The following VWA2 variants were observed in gnomAD, a reference collection of about 807,000 sequenced individuals.
VWA2 encodes the protein von Willebrand factor A domain-containing protein 2.
VWA2 carries 73 observed loss-of-function variants against 70.4 expected under a neutral mutation model. The ratio of observed to expected loss-of-function variants is 1.04; its 90% CI spans 0.86 to 1.26. The LOEUF is 1.26. VWA2 is among the 50% of genes most tolerant of loss of function. The probability of loss-of-function intolerance (pLI) is 0.00; values close to 1 mark genes in which losing one functional copy is unlikely to be tolerated. For missense variants in VWA2, 1,011 were observed against 998.5 expected, an observed-to-expected ratio of 1.01 and a Z score of -0.17; for synonymous variants, 407 against 423.3, an observed-to-expected ratio of 0.96 and a Z score of 0.47.
rs78825853 is a variant in VWA2, at chr10:114,274,362, G to A, written c.566+1428G>A. ...AGACTGACAGGATAGGGGTGGGAGA[G>A]GAAATAGTAAGGGGAGAGGGGAAAC... On this transcript the variant is annotated intron_variant, in intron 6 of 13. Transcript: ENST00000392982. Among the ~76,000 whole-genome samples, 944 of 152,294 alleles carry A rather than the reference G, an allele frequency of 6.2e-3. 20 individuals are homozygous for A. The East Asian group carries it at 0.067, about 11-fold the overall frequency.
At position 114,289,172 on chromosome 10, in the gene VWA2, C is replaced by T; in HGVS notation, c.1805C>T (p.Pro602Leu). Residue 602 changes from proline to leucine, a missense_variant, in exon 12 of 14, where the codon CCC (proline) becomes CTC (leucine). Coordinates refer to ENST00000392982, the MANE Select transcript of VWA2 (RefSeq NM_001272046.2). ...ATGCTGCGGGCCATTAGCCAGGCCC[C>T]CTACCTAGGTGGGGTGGGCTCAGCC... is the stretch of plus-strand genomic sequence containing the variant. Reference protein sequence around the residue: ...AAMLRAISQAPYLGGVGSAGT... With the variant: ...AAMLRAISQALYLGGVGSAGT... The T allele has an allele frequency of 6.2e-7, 1 of 1,613,716 alleles. No individual in the cohort carries two copies. Among genetic ancestry groups the T allele is most frequent in the Non-Finnish European group, 8.5e-7 (1 of 1,179,862 alleles).
rs998539821 is a variant in VWA2, at chr10:114,278,117, G to A, written c.700+70G>A. 47 of 1,560,306 alleles carry A rather than the reference G, an allele frequency of 3.0e-5. 1 individual carries two copies. The highest frequency in any genetic ancestry group is 3.8e-5 in the Non-Finnish European group (44 of 1,147,758). On this transcript the variant is annotated intron_variant, in intron 7 of 13. Transcript: ENST00000392982. ...CGGGGAGGGCTCCCTGAGGCAAGAG[G>A]TCAGGACCCAGGAGCCTCCCAAGGA...
intron 12 of VWA2, 194 bp from the exon 13 acceptor site, chr10:114,290,046 T>A: frequency 1.9e-6 from 1 of 539,310 alleles, no homozygotes; most frequent in Non-Finnish European, 3.2e-6. Context: ...AGCAATGGAC[T>A]CTCCATGAGT....
chr10:114,281,182 G>A (rs1363527055), intron 8 of VWA2: 1 of 152,302 alleles, frequency 6.6e-6, no homozygotes, highest in Non-Finnish European at 1.5e-5. Flanking sequence ...GTTGGAAGAA[G>A]CCTTATTTGG....
intron 4 of VWA2, among the ~76,000 whole-genome samples, chr10:114,258,293 A>G (rs1448265248): frequency 6.6e-6 from 1 of 152,198 alleles, no homozygotes; most frequent in Non-Finnish European, 1.5e-5. Flanking sequence ...TTCAAGAAGA[A>G]ATGTCAAGTA....
Position 114,289,188 on chromosome 10 carries a change from G to A in VWA2, c.1821G>A (p.Val607=). Residue 607 remains valine (V), a synonymous_variant, in exon 12 of 14, where the codon GTG becomes GTA. Transcript: ENST00000392982. ...AISQAPYLGG[V]GSAGTALLHI... ...GCCAGGCCCCCTACCTAGGTGGGGT[G>A]GGCTCAGCCGGCACCGCCCTGCTGC... 6.2e-7 allele frequency: 1 copy of A among 1,613,554 alleles called. No individual in the cohort carries two copies.
At position 114,291,556 on chromosome 10, in the gene VWA2, C is replaced by G. The variant is rs1350759354; in HGVS notation, c.*319C>G. 3.0e-6 allele frequency: 1 copy of G among 333,604 alleles called. No homozygotes were observed. The highest frequency in any genetic ancestry group is 4.6e-5 in the Admixed American group (1 of 21,862). The allele number at this position is 333,604 out of a possible 1,614,324, so 20.7% of individuals were successfully genotyped here. A position where few individuals can be genotyped will look rare whatever the true frequency, so the allele number is the denominator to read the frequency against. On this transcript the variant is annotated 3_prime_UTR_variant, in exon 14 of 14. Transcript: ENST00000392982. The stretch of plus-strand genomic sequence containing the variant: ...AGGCTATGTCATCTGCCACCTTTCC[C>G]TTGAGGATAAACAAGGGGTCCTGAA...
rs151296834 is a variant in VWA2 at position 114,289,495 on chromosome 10, T to G, written c.2122+6T>G. 3 of 1,613,654 alleles carry G rather than the reference T, an allele frequency of 1.9e-6. No individual in the cohort carries two copies. Among genetic ancestry groups the G allele is most frequent in the Non-Finnish European group, 2.5e-6 (3 of 1,179,870 alleles). On this transcript the variant is annotated splice_donor_region_variant and intron_variant, in intron 12 of 13. Transcript: ENST00000392982. ...CATTGAGTGGCTGTGTGGAGGTGAG[T>G]GGGGGAATCCACACCCTCAGGGCTG...
chr10:114,289,542 C>T (rs376185898), intron 12 of VWA2, 53 bp downstream of exon 12: 1 of 1,596,932 alleles, frequency 6.3e-7, no homozygotes. Context: ...GGCCCTCAGC[C>T]TGAGCCTTCA....
At chr10:114,242,506 C>T (rs912744843) in intron 1 of VWA2, among the ~76,000 whole-genome samples, 1 of 151,622 alleles carries the variant, frequency 6.6e-6, no homozygotes, top group Non-Finnish European at 1.5e-5. Flanking sequence ...CCCCTGTGTA[C>T]CAGTAAATCT....
intron 6 of VWA2, among the ~76,000 whole-genome samples, chr10:114,273,612 T>C (rs2037758674): frequency 6.6e-6 from 1 of 152,216 alleles, no homozygotes; most frequent in Non-Finnish European, 1.5e-5. Flanking sequence ...ACGTCACTTA[T>C]GCCATGGACC....
chr10:114,272,807 A>T lies in VWA2; in HGVS notation c.439A>T (p.Asn147Tyr). 1.2e-6 allele frequency: 2 copies of T among 1,613,908 alleles called. No homozygotes were observed. The highest frequency in any genetic ancestry group is 2.7e-5 in the African/African-American group (2 of 75,020). Residue 147 changes from asparagine (N) to tyrosine (Y), a missense_variant, in exon 6 of 14, where the codon AAT becomes TAT. Coordinates refer to ENST00000392982, the MANE Select transcript of VWA2 (RefSeq NM_001272046.2). ...LLHRGLPGGR[N>Y]ASVPQILIIV... is the part of the protein sequence containing the mutation. The stretch of plus-strand genomic sequence containing the variant: ...GCACAGAGGGTTGCCTGGAGGCAGA[A>T]ATGCTTCTGTGCCCCAGATCCTCAT...
In VWA2 at chr10:114,278,083, A is replaced by G. The variant is rs111262582; in HGVS notation, c.700+36A>G. 1,384 of 1,591,796 alleles carry G rather than the reference A, an allele frequency of 8.7e-4. 10 individuals carry two copies. In the African/African-American group the frequency reaches 0.017, roughly 19 times the overall value. On this transcript the variant is annotated intron_variant, in intron 7 of 13. Transcript: ENST00000392982. ...CCAGCCTGGAGGGAGTGGAAGTGCC[A>G]TGTGGGGTCGGGGAGGGCTCCCTGA...
At chr10:114,269,134 G>T (rs2037647746) in intron 5 of VWA2, among the ~76,000 whole-genome samples, 1 of 152,204 alleles carries the variant, frequency 6.6e-6, no homozygotes, top group Admixed American at 6.5e-5. Context: ...AGGTAGAGAG[G>T]GTGACAGCAT....
chr10:114,274,635 T>C (rs913360871), intron 6 of VWA2, among the ~76,000 whole-genome samples: 2 of 151,438 alleles, frequency 1.3e-5, no homozygotes, highest in East Asian at 3.9e-4. Flanking sequence ...CCACCACACC[T>C]GTGCACGCCA....
At chr10:114,286,614 G>T in intron 11 of VWA2, 103 bp downstream of exon 11, 1 of 1,012,452 alleles carries the variant, frequency 9.9e-7, no homozygotes, top group Non-Finnish European at 1.4e-6. Flanking sequence ...CTCTTCTAGG[G>T]GCTGAAACCA....
intron 1 of VWA2, among the ~76,000 whole-genome samples, chr10:114,246,936 G>C (rs1181999744): frequency 6.6e-6 from 1 of 152,168 alleles, no homozygotes; most frequent in Non-Finnish European, 1.5e-5. Context: ...CACAAGAATT[G>C]TGCTACTTAT....
chr10:114,289,460 A>G lies in VWA2; in HGVS notation c.2093A>G (p.Gln698Arg). The G allele has an allele frequency of 6.2e-7, 1 of 1,614,220 alleles. No individual in the cohort carries two copies. ...GCTTACGCCGACCTGCGGTACCACC[A>G]GGACGTGCTCATTGAGTGGCTGTGT... ...VAAYADLRYH[Q>R]DVLIEWLCGE... The change falls in exon 12 of 14, where the codon CAG becomes CGG. Residue 698 changes from glutamine (Q) to arginine (R), a missense_variant. Coordinates refer to ENST00000392982, the MANE Select transcript of VWA2 (RefSeq NM_001272046.2).
chr10:114,291,306 A>G lies in VWA2; in HGVS notation c.*69A>G, dbSNP rs1462660823. 1.3e-6 allele frequency: 2 copies of G among 1,493,104 alleles called. No individual in the cohort carries two copies. The highest frequency in any genetic ancestry group is 1.8e-6 in the Non-Finnish European group (2 of 1,113,824). 92.5% of individuals were successfully genotyped at this position (1,493,104 alleles called of 1,614,324 possible). ...CAGCAACTACAGAGAAGGCCTGGGC[A>G]CTGAAATGGTGCCTACCTTCTGGAA... On this transcript the variant is annotated 3_prime_UTR_variant, in exon 14 of 14. Transcript: ENST00000392982.
Sources: allele counts gnomAD v4.1 joint callset (sites outside exome capture counted in the v4.1 genomes callset), GRCh38; gene constraint gnomAD v4.1.1; transcripts MANE v1.5; gene names NCBI Gene and HGNC (gene_info 2026-07-23, HGNC 2026-07-21).